AGK: variants seen among roughly 807,000 people sequenced by gnomAD.
The protein encoded by AGK is acylglycerol kinase, mitochondrial.
In AGK, 52 loss-of-function variants were observed where a neutral mutation model predicts 66.4. That is an observed-to-expected ratio of 0.78 (90% confidence interval 0.63 to 0.99). The LOEUF is 0.99. AGK is among the 50% of genes least tolerant of loss of function. The pLI, the probability that AGK is intolerant of heterozygous loss-of-function variation, is 0.00. For synonymous variants in AGK, 182 were observed against 181.1 expected (o/e 1.00, Z -0.04); for missense variants, 451 against 506.6 (o/e 0.89, Z 1.05).
intron 14 of AGK, 28 bp downstream of exon 14, chr7:141,649,361 G>A (rs1797497482): frequency 1.9e-6 from 3 of 1,538,462 alleles, no homozygotes; most frequent in Admixed American, 1.7e-5. Flanking sequence ...CACAGGAAAT[G>A]AGGCTTGTGA....
At chr7:141,554,646 A>G (rs1795169287) in intron 1 of AGK, among the ~76,000 whole-genome samples, 1 of 152,236 alleles carries the variant, frequency 6.6e-6, no homozygotes, top group African/African-American at 2.4e-5. Flanking sequence ...TGGAGTTTAC[A>G]TTCCAGTAGG....
intron 2 of AGK, among the ~76,000 whole-genome samples, chr7:141,556,002 G>A (rs984014699): frequency 2.6e-5 from 4 of 152,142 alleles, no homozygotes; most frequent in Non-Finnish European, 5.9e-5. Context: ...TGGTCTGAGC[G>A]CAGCTTGGTT....
rs115673785 is a variant in AGK, at chr7:141,586,663, A to C, written c.102-6483A>C. On this transcript the variant is annotated intron_variant, in intron 2 of 15. Coordinates refer to ENST00000649286, the MANE Select transcript of AGK (RefSeq NM_018238.4). ...GCCTTTTTTAAAAAGGAAGGGATAA[A>C]ATGATCCAATCCTTGAAGATGTAAA... 6.2e-3 allele frequency among the ~76,000 whole-genome samples: 946 copies of C among 152,200 alleles called. 10 individuals are homozygous for C. Among genetic ancestry groups the C allele is most frequent in the African/African-American group, 0.021 (892 of 41,528 alleles).
At chr7:141,615,431 G>A (rs759483010) in intron 7 of AGK, 40 bp from the exon 8 acceptor site, 16 of 1,556,748 alleles carry the variant, frequency 1.0e-5, no homozygotes. Flanking sequence ...CTGATTTTCT[G>A]ATCATAACAA....
chr7:141,617,097 T>G (rs1191319832), intron 8 of AGK, among the ~76,000 whole-genome samples: 3 of 152,130 alleles, frequency 2.0e-5, no homozygotes, highest in Non-Finnish European at 4.4e-5. Context: ...TGCTCACATT[T>G]TTGCTTTTCC....
intron 2 of AGK, among the ~76,000 whole-genome samples, chr7:141,560,076 T>C (rs939516088): frequency 6.6e-6 from 1 of 152,180 alleles, no homozygotes; most frequent in Non-Finnish European, 1.5e-5. Context: ...CTTTATTTCT[T>C]TTTCTTGCCT....
chr7:141,637,276 A>G (rs1797196176), intron 11 of AGK, among the ~76,000 whole-genome samples: 1 of 152,162 alleles, frequency 6.6e-6, no homozygotes, highest in Admixed American at 6.6e-5. Context: ...TGCCTTTGCT[A>G]TTAATTCACT....
chr7:141,652,894 A>G lies in AGK; in HGVS notation c.1239A>G (p.Arg413=). Residue 413 remains arginine (R), a synonymous_variant, in exon 16 of 16, where the codon AGA becomes AGG. Transcript: ENST00000649286. ...AGTTCTTCTGTGATCCTAGGAAGAGAGAACAGATGCTCACAAGCCCCACCC... is the reference window on the plus strand; with the variant it reads ...AGTTCTTCTGTGATCCTAGGAAGAGGGAACAGATGCTCACAAGCCCCACCC... ...KLQFFCDPRK[R]EQMLTSPTQ 3 of 1,614,010 alleles carry G rather than the reference A, an allele frequency of 1.9e-6. No homozygotes were observed. The East Asian group carries it at 6.7e-5, about 36-fold the overall frequency.
intron 3 of AGK, among the ~76,000 whole-genome samples, chr7:141,595,854 G>T (rs1796214588): frequency 6.6e-6 from 1 of 152,186 alleles, no homozygotes; most frequent in Non-Finnish European, 1.5e-5. Flanking sequence ...GGAATTAGAA[G>T]ATGTGTATTC....
chr7:141,580,580 G>A (rs1416119939), intron 2 of AGK, among the ~76,000 whole-genome samples: 2 of 151,948 alleles, frequency 1.3e-5, no homozygotes, highest in Non-Finnish European at 2.9e-5. Flanking sequence ...GGAGCAGAAG[G>A]TATATGTGTC....
chr7:141,614,028 CAG>C, intron 6 of AGK, 116 bp from the exon 7 acceptor site: 1 of 696,726 alleles, frequency 1.4e-6, no homozygotes, highest in Admixed American at 2.9e-5. Context: ...CATCTTTTAA[CAG>C]AGCTTCTAAG....
At chr7:141,615,293 C>T (rs1796680403) in intron 7 of AGK, among the ~76,000 whole-genome samples, 178 bp from the exon 8 acceptor site, 1 of 152,080 alleles carries the variant, frequency 6.6e-6, no homozygotes, top group Non-Finnish European at 1.5e-5. Flanking sequence ...TCATTGACTG[C>T]CTTGTTTTAG....
intron 9 of AGK, 150 bp from the exon 10 acceptor site, chr7:141,633,751 T>C: frequency 1.5e-6 from 1 of 655,524 alleles, no homozygotes; most frequent in Non-Finnish European, 2.7e-6. Flanking sequence ...TACTAAGCAC[T>C]CACAGGGTTA....
chr7:141,623,469 G>T (rs1796870617), intron 9 of AGK, among the ~76,000 whole-genome samples: 1 of 150,996 alleles, frequency 6.6e-6, no homozygotes, highest in Non-Finnish European at 1.5e-5. Context: ...TTGTGGTCTA[G>T]ATAGAAGACC....
intron 2 of AGK, among the ~76,000 whole-genome samples, chr7:141,588,706 T>C (rs933955935): frequency 2.6e-5 from 4 of 152,190 alleles, no homozygotes; most frequent in African/African-American, 9.6e-5. Flanking sequence ...TTATTCTTGT[T>C]ACTTCTTGAT....
chr7:141,644,460 C>T (rs1010000399), intron 13 of AGK, among the ~76,000 whole-genome samples: 1 of 152,096 alleles, frequency 6.6e-6, no homozygotes, highest in South Asian at 2.1e-4. Flanking sequence ...GTGTAGCTGC[C>T]GTGTAATAGC....
intron 14 of AGK, chr7:141,650,486 G>A (rs1267400524): frequency 2.0e-6 from 2 of 985,218 alleles, no homozygotes; most frequent in Non-Finnish European, 2.4e-6. Context: ...GTGAAATCAA[G>A]TAATGTCTGT....
chr7:141,651,707 A>C (rs1797564052), intron 15 of AGK, 98 bp downstream of exon 15: 1 of 1,129,702 alleles, frequency 8.9e-7, no homozygotes, highest in South Asian at 1.3e-5. Flanking sequence ...TAGCTGACCT[A>C]GACTTAGGCA....
intron 9 of AGK, among the ~76,000 whole-genome samples, chr7:141,629,340 G>A (rs915897484): frequency 3.2e-4 from 49 of 152,200 alleles, no homozygotes; most frequent in African/African-American, 1.1e-3. Flanking sequence ...GTGAATTGGG[G>A]CAGCACATCT....
Sources: gnomAD v4.1 joint callset for allele counts (sites outside exome capture counted in the v4.1 genomes callset) on GRCh38, gnomAD v4.1.1 for gene constraint, MANE v1.5 for transcripts, NCBI Gene and HGNC (gene_info 2026-07-23, HGNC 2026-07-21) for gene names.